The following NOMO1 variants were observed in gnomAD, a reference collection of about 807,000 sequenced individuals.
The protein encoded by NOMO1 is NODAL modulator 1, also known as nodal modulator 3.
Under a neutral mutation model 133.8 loss-of-function variants are expected in NOMO1, and 40 were observed. The ratio of observed to expected loss-of-function variants is 0.30; its 90% CI spans 0.23 to 0.39. The LOEUF is 0.39. NOMO1 is among the 10% of genes least tolerant of loss of function. The pLI, the probability that NOMO1 is intolerant of heterozygous loss-of-function variation, is 1.00. For synonymous variants in NOMO1, 236 were observed against 570.5 expected (o/e 0.41, Z 8.36); for missense variants, 462 against 1,419.9 (o/e 0.33, Z 10.84).
At chr16:14,846,264 T>G (rs1359411003) in intron 4 of NOMO1, among the ~76,000 whole-genome samples, 1 of 150,390 alleles carries the variant, frequency 6.6e-6, no homozygotes, top group Non-Finnish European at 1.5e-5. Flanking sequence ...TGACCTCAAG[T>G]GGTCTGCCTG....
intron 18 of NOMO1, among the ~76,000 whole-genome samples, chr16:14,873,233 A>G (rs1964104104): frequency 8.8e-6 from 1 of 113,660 alleles, no homozygotes; most frequent in African/African-American, 2.7e-5. Flanking sequence ...AGGCCATGTT[A>G]AGGTCCATAG....
chr16:14,867,149 GATATATAT>G (rs1171568936), intron 15 of NOMO1, among the ~76,000 whole-genome samples: 395 of 17,204 alleles, frequency 0.023, 4 homozygotes, highest in African/African-American at 0.053. Context: ...GAGTTTCTCT[GATATATAT>G]ATATATATAT....
At chr16:14,839,503 A>G (rs1963573524) in intron 2 of NOMO1, among the ~76,000 whole-genome samples, 1 of 151,928 alleles carries the variant, frequency 6.6e-6, no homozygotes, top group Non-Finnish European at 1.5e-5. Context: ...CCTCTATACA[A>G]TCCCATCCTC....
At chr16:14,850,624 A>G (rs1032364346) in intron 6 of NOMO1, among the ~76,000 whole-genome samples, 13 of 151,014 alleles carry the variant, frequency 8.6e-5, no homozygotes, top group South Asian at 4.2e-4. Context: ...CTAAAGAAGC[A>G]TTGGAATCAG....
chr16:14,889,668 C>G (rs1415699985), intron 29 of NOMO1, among the ~76,000 whole-genome samples: 1 of 151,866 alleles, frequency 6.6e-6, no homozygotes, highest in Non-Finnish European at 1.5e-5. Flanking sequence ...GGGTCACTTT[C>G]TCATTCTGCC....
At chr16:14,847,968 G>A (rs2151894187) in intron 5 of NOMO1, among the ~76,000 whole-genome samples, 1 of 151,686 alleles carries the variant, frequency 6.6e-6, no homozygotes, top group East Asian at 1.9e-4. Context: ...AGTGTCTTGA[G>A]CCTTCTGAAT....
At chr16:14,856,371 T>C (rs543610790) in intron 9 of NOMO1, among the ~76,000 whole-genome samples, 9 of 151,940 alleles carry the variant, frequency 5.9e-5, no homozygotes, top group Admixed American at 2.0e-4. Flanking sequence ...ACATGGAGCA[T>C]GGGACCACGT....
In NOMO1 at chr16:14,864,682, T is replaced by C. The variant is rs781616124; in HGVS notation, c.1493T>C (p.Phe498Ser). The part of the protein sequence containing the change: ...VTNRPMMDVA[F>S]VQFLASVSGK... ...AACAGGCCCATGATGGATGTGGCCT[T>C]TGTACAGTTCTTGGCATCAGTTTCT... Residue 498 changes from phenylalanine (F) to serine (S), a missense_variant, in exon 13 of 31, where the codon TTT (phenylalanine) becomes TCT (serine). Physicochemically the swap from Phe to Ser is radical, Grantham distance 155 (BLOSUM62 -2). Transcript: ENST00000287667. 6.2e-7 allele frequency: 1 copy of C among 1,613,210 alleles called. No individual in the cohort carries two copies.
In NOMO1 at chr16:14,875,066, C is replaced by T. The variant is rs1964134888; in HGVS notation, c.2085C>T (p.Val695=). 1 of 1,613,826 alleles carries T rather than the reference C, an allele frequency of 6.2e-7. No individual in the cohort carries two copies. Among genetic ancestry groups the T allele is most frequent in the Middle Eastern group, 1.7e-4 (1 of 6,056 alleles). ...KSSIDSEPAL[V]LGPLKSVQEL... Reference sequence around the variant, plus strand: ...CCATCGACAGTGAACCCGCCTTGGTCTTAGGCCCTCTGAAGTCTGTGCAGG... The same window carrying T: ...CCATCGACAGTGAACCCGCCTTGGTTTTAGGCCCTCTGAAGTCTGTGCAGG... The change falls in exon 19 of 31, where the codon GTC becomes GTT. Residue 695 remains valine (V), a synonymous_variant. Transcript: ENST00000287667.
At chr16:14,859,613 GA>G (rs1290589178) in intron 11 of NOMO1, among the ~76,000 whole-genome samples, 1 of 151,962 alleles carries the variant, frequency 6.6e-6, no homozygotes, top group African/African-American at 2.4e-5. Flanking sequence ...CCAGGAGTTT[GA>G]GACCAGCCTG....
chr16:14,884,659 C>T (rs1482478121), intron 27 of NOMO1, among the ~76,000 whole-genome samples, 177 bp downstream of exon 27: 3 of 151,886 alleles, frequency 2.0e-5, no homozygotes, highest in Non-Finnish European at 2.9e-5. Flanking sequence ...GACCACAACA[C>T]GTATTTGGGA....
At chr16:14,890,052 AAACTT>A (rs1356407811) in intron 29 of NOMO1, among the ~76,000 whole-genome samples, 20 of 124,506 alleles carry the variant, frequency 1.6e-4, no homozygotes, top group African/African-American at 5.0e-4. Flanking sequence ...GGGTTAAAAG[AAACTT>A]AACTTATCGC....
chr16:14,871,963 A>G (rs1236249252), intron 17 of NOMO1, among the ~76,000 whole-genome samples: 13 of 151,946 alleles, frequency 8.6e-5, no homozygotes, highest in Non-Finnish European at 1.6e-4. Flanking sequence ...CCCAGCCCTC[A>G]CCGATGGGCG....
At chr16:14,851,279 G>A (rs1963755354) in intron 6 of NOMO1, among the ~76,000 whole-genome samples, 1 of 151,904 alleles carries the variant, frequency 6.6e-6, no homozygotes, top group Non-Finnish European at 1.5e-5. Flanking sequence ...GTTAGTGACC[G>A]GAAGCAAGTG....
intron 1 of NOMO1, among the ~76,000 whole-genome samples, chr16:14,835,910 C>T (rs900043757): frequency 2.0e-5 from 3 of 151,792 alleles, no homozygotes; most frequent in Admixed American, 6.6e-5. Flanking sequence ...AGCCTTGTCC[C>T]CAGTGTGGAT....
At chr16:14,836,178 A>G (rs1426569861) in intron 1 of NOMO1, among the ~76,000 whole-genome samples, 1 of 151,990 alleles carries the variant, frequency 6.6e-6, no homozygotes, top group African/African-American at 2.4e-5. Context: ...TTGCCTCCCT[A>G]ACCGGTCTAG....
Position 14,875,031 on chromosome 16 carries a change from T to C in NOMO1, c.2055-5T>C, listed in dbSNP as rs1964133847. The C allele has an allele frequency of 6.2e-7, 1 of 1,613,826 alleles. No individual in the cohort carries two copies. Among genetic ancestry groups the C allele is most frequent in the Non-Finnish European group, 8.5e-7 (1 of 1,179,842 alleles). ...ACTATGTCCTAGGGGCCGTCTTTCT[T>C]CTAGGTCTTCCATCGACAGTGAACC... On this transcript the variant is annotated splice_polypyrimidine_tract_variant and splice_region_variant and intron_variant, in intron 18 of 30. Transcript: ENST00000287667.
chr16:14,874,070 T>C (rs1380308398), intron 18 of NOMO1, among the ~76,000 whole-genome samples: 1 of 36,100 alleles, frequency 2.8e-5, no homozygotes, highest in Admixed American at 5.5e-4. Context: ...CCAGCTGGGC[T>C]TCGCTTCTTA....
chr16:14,875,601 G>GA, intron 20 of NOMO1, among the ~76,000 whole-genome samples, 179 bp downstream of exon 20: 3 of 151,106 alleles, frequency 2.0e-5, no homozygotes, highest in African/African-American at 7.4e-5. Flanking sequence ...GGATGGTTGG[G>GA]TTGGATGGAT....
Sources: allele counts gnomAD v4.1 joint callset (sites outside exome capture counted in the v4.1 genomes callset), GRCh38; gene constraint gnomAD v4.1.1; transcripts MANE v1.5; gene names NCBI Gene and HGNC (gene_info 2026-07-23, HGNC 2026-07-21).